Variants in CDKL3 observed in about 807,000 individuals in gnomAD.
CDKL3 encodes the protein cyclin-dependent kinase-like 3.
Under a neutral mutation model 69.3 loss-of-function variants are expected in CDKL3, and 65 were observed. That is an observed-to-expected ratio of 0.94 (90% CI 0.77 to 1.15). The LOEUF (loss-of-function observed/expected upper bound fraction) is 1.15. CDKL3 is among the 50% of genes most tolerant of loss of function. The pLI, the probability that CDKL3 is intolerant of heterozygous loss-of-function variation, is 0.00. For missense variants in CDKL3, 652 were observed against 689.2 expected (o/e 0.95, Z 0.61); for synonymous variants, 202 against 221.6 (o/e 0.91, Z 0.79).
At chr5:134,307,566 T>C (rs1017991666) in intron 9 of CDKL3, among the ~76,000 whole-genome samples, 1 of 152,140 alleles carries the variant, frequency 6.6e-6, no homozygotes, top group Admixed American at 6.6e-5. Flanking sequence ...CCTCCCTAAA[T>C]TTTGAAGTGG....
intron 3 of CDKL3, among the ~76,000 whole-genome samples, 165 bp downstream of exon 3, chr5:134,359,732 G>A (rs535189574): frequency 1.5e-4 from 23 of 152,102 alleles, no homozygotes; most frequent in African/African-American, 5.6e-4. Context: ...TTTTGGTTCT[G>A]CAACTAAAAG....
chr5:134,371,521 G>A (rs535705175), upstream of CDKL3: 50 of 1,557,846 alleles, frequency 3.2e-5, no homozygotes, highest in African/African-American at 5.7e-4. Context: ...CAGTGATTCG[G>A]CCGCCGCGCC....
intron 3 of CDKL3, among the ~76,000 whole-genome samples, chr5:134,358,833 T>G (rs1388665257): frequency 2.0e-5 from 3 of 152,024 alleles, no homozygotes; most frequent in Non-Finnish European, 4.4e-5. Flanking sequence ...AGGCTGGGCT[T>G]GAACTTTTGA....
At chr5:134,328,805 A>G (rs1023695215) in intron 4 of CDKL3, among the ~76,000 whole-genome samples, 1 of 152,182 alleles carries the variant, frequency 6.6e-6, no homozygotes, top group Non-Finnish European at 1.5e-5. Flanking sequence ...TTAACAACAG[A>G]CTTCTTAATA....
At chr5:134,312,868 T>A (rs1345762613) in intron 6 of CDKL3, among the ~76,000 whole-genome samples, 1 of 152,234 alleles carries the variant, frequency 6.6e-6, no homozygotes, top group Non-Finnish European at 1.5e-5. Context: ...CATTATTAAA[T>A]CAGCTCTTTT....
At chr5:134,369,734 C>G (rs1758147395), upstream of CDKL3, among the ~76,000 whole-genome samples, 1 of 152,120 alleles carries the variant, frequency 6.6e-6, no homozygotes, top group African/African-American at 2.4e-5. Flanking sequence ...CCATGCCTGG[C>G]TAATTTTACT....
intron 4 of CDKL3, among the ~76,000 whole-genome samples, chr5:134,336,992 C>G (rs535787262): frequency 6.6e-6 from 1 of 152,304 alleles, no homozygotes; most frequent in South Asian, 2.1e-4. Context: ...CTGCCCAGTT[C>G]GAGTTTCCCT....
chr5:134,302,239 C>CTT (rs1766530442), intron 12 of CDKL3: 1 of 458,424 alleles, frequency 2.2e-6, no homozygotes, highest in East Asian at 6.9e-5. Context: ...AAGGAAGAGG[C>CTT]TTAAAGGCAA....
At chr5:134,366,846 A>G (rs1212023446) in intron 1 of CDKL3, 131 bp downstream of exon 1, 1 of 985,518 alleles carries the variant, frequency 1.0e-6, no homozygotes, top group Non-Finnish European at 1.2e-6. Flanking sequence ...TGGGGTCCCT[A>G]CACTTCCTGT....
intron 3 of CDKL3, among the ~76,000 whole-genome samples, chr5:134,358,529 CCTTT>C (rs1056501491): frequency 4.1e-5 from 6 of 147,660 alleles, no homozygotes; most frequent in Non-Finnish European, 7.4e-5. Context: ...CTTTTCTTTT[CCTTT>C]TTTTTCTTTT....
intron 4 of CDKL3, among the ~76,000 whole-genome samples, chr5:134,327,561 A>G (rs1237337825): frequency 6.6e-6 from 1 of 152,194 alleles, no homozygotes; most frequent in Non-Finnish European, 1.5e-5. Flanking sequence ...GTGGTGAAAG[A>G]CAACTGGGTG....
chr5:134,345,507 G>A (rs539017481), intron 4 of CDKL3, among the ~76,000 whole-genome samples: 1 of 152,340 alleles, frequency 6.6e-6, no homozygotes, highest in South Asian at 2.1e-4. Context: ...TGCTTTGTGT[G>A]AGCAACAAGG....
At chr5:134,370,935 TA>T (rs1370152712), upstream of CDKL3, 1 of 155,642 alleles carries the variant, frequency 6.4e-6, no homozygotes, top group Non-Finnish European at 1.4e-5. Context: ...ATACCTGTGA[TA>T]AACAGAAAAC....
chr5:134,352,049 C>A (rs1323977501), intron 3 of CDKL3, among the ~76,000 whole-genome samples: 3 of 152,062 alleles, frequency 2.0e-5, no homozygotes, highest in Non-Finnish European at 4.4e-5. Context: ...CCCCAACCAC[C>A]CCCACTCTAG....
In CDKL3 at chr5:134,326,847, A is replaced by G. The variant is rs1432657085; in HGVS notation, c.540-4944T>C. Among the ~76,000 whole-genome samples the G allele has an allele frequency of 1.6e-3, 181 of 109,786 alleles. 4 individuals carry two copies. Among genetic ancestry groups the G allele is most frequent in the Admixed American group, 2.8e-3 (30 of 10,644 alleles). 72.0% of individuals were successfully genotyped at this position (109,786 alleles called of 152,430 possible). On this transcript the variant is annotated intron_variant, in intron 4 of 12. Coordinates refer to ENST00000265334, the MANE Select transcript of CDKL3 (RefSeq NM_001113575.2). ...TATATATATATATATATATATATAT[A>G]TATATATATATATATATATACACAC...
At chr5:134,342,032 G>C (rs1750627795) in intron 4 of CDKL3, among the ~76,000 whole-genome samples, 2 of 152,032 alleles carry the variant, frequency 1.3e-5, no homozygotes, top group Non-Finnish European at 2.9e-5. Flanking sequence ...TTAAACCTCT[G>C]CTCCTAAACT....
intron 4 of CDKL3, among the ~76,000 whole-genome samples, chr5:134,346,573 C>T (rs774131296): frequency 1.3e-5 from 2 of 152,122 alleles, no homozygotes; most frequent in African/African-American, 2.4e-5. Flanking sequence ...CTCGGCTCAC[C>T]GCAACCTCTG....
chr5:134,297,788 G>A (rs1765436924), downstream of CDKL3, among the ~76,000 whole-genome samples: 1 of 151,634 alleles, frequency 6.6e-6, no homozygotes, highest in Admixed American at 6.6e-5. Flanking sequence ...CTCCATGTTG[G>A]TCAGGCTGGT....
At chr5:134,312,428 A>C in intron 6 of CDKL3, 48 bp from the exon 7 acceptor site, 1 of 943,882 alleles carries the variant, frequency 1.1e-6, no homozygotes, top group Non-Finnish European at 1.6e-6. Flanking sequence ...ACAGGGCTCC[A>C]TATGGTAAAA....
Sources: allele counts gnomAD v4.1 joint callset (sites outside exome capture counted in the v4.1 genomes callset), GRCh38; gene constraint gnomAD v4.1.1; transcripts MANE v1.5; gene names NCBI Gene and HGNC (gene_info 2026-07-23, HGNC 2026-07-21).